The following EFCAB13 variants were observed in gnomAD, a reference collection of about 807,000 sequenced individuals.
The protein encoded by EFCAB13 is EF-hand calcium binding domain 13.
A neutral mutation model predicts 110.2 loss-of-function variants in EFCAB13; 91 were observed. That is an observed-to-expected ratio of 0.83 (90% CI 0.70 to 0.98). The LOEUF (loss-of-function observed/expected upper bound fraction) is 0.98. Ranked by LOEUF, EFCAB13 falls within the 50% of genes least tolerant of loss-of-function variation. EFCAB13 has a pLI of 0.00. For missense variants in EFCAB13, 968 were observed against 1,119.4 expected, an observed-to-expected ratio of 0.86 and a Z score of 1.93; for synonymous variants, 323 against 369.9, an observed-to-expected ratio of 0.87 and a Z score of 1.45.
At chr17:47,342,893 A>C (rs1002830847) in intron 6 of EFCAB13, among the ~76,000 whole-genome samples, 1 of 152,172 alleles carries the variant, frequency 6.6e-6, no homozygotes, top group Non-Finnish European at 1.5e-5. Context: ...AGCTGAATCT[A>C]ATCTACAGTT....
At chr17:47,332,142 A>G (rs2065322964) in intron 4 of EFCAB13, among the ~76,000 whole-genome samples, 1 of 152,168 alleles carries the variant, frequency 6.6e-6, no homozygotes, top group African/African-American at 2.4e-5. Context: ...AGAAACTGCC[A>G]AACTGTATTC....
intron 10 of EFCAB13, among the ~76,000 whole-genome samples, chr17:47,368,920 G>T (rs1260383205): frequency 1.3e-5 from 2 of 152,190 alleles, no homozygotes; most frequent in Non-Finnish European, 2.9e-5. Flanking sequence ...CTTTATAGAT[G>T]AAAATGGCTA....
chr17:47,333,282 A>G (rs993500886), intron 4 of EFCAB13, among the ~76,000 whole-genome samples: 1 of 151,904 alleles, frequency 6.6e-6, no homozygotes, highest in Non-Finnish European at 1.5e-5. Flanking sequence ...TTTTGATTGG[A>G]TAGTTTGTTT....
At chr17:47,394,171 A>G in intron 16 of EFCAB13, 72 bp downstream of exon 16, 1 of 956,006 alleles carries the variant, frequency 1.0e-6, no homozygotes, top group Non-Finnish European at 1.5e-6. Flanking sequence ...GAGCGTAAAC[A>G]CTCTTTTAGT....
At chr17:47,398,100 C>T (rs527739053) in intron 17 of EFCAB13, among the ~76,000 whole-genome samples, 19 of 143,380 alleles carry the variant, frequency 1.3e-4, no homozygotes, top group South Asian at 9.2e-4. Flanking sequence ...CCGCCCCGTC[C>T]GGGAGGGAGG....
chr17:47,386,153 G>A (rs539637995), intron 14 of EFCAB13, among the ~76,000 whole-genome samples: 30 of 152,324 alleles, frequency 2.0e-4, no homozygotes, highest in African/African-American at 5.8e-4. Flanking sequence ...GAGCTCAAGC[G>A]CTGTGCTGGG....
chr17:47,374,893 G>A lies in EFCAB13; in HGVS notation c.1299G>A (p.Lys433=). The change falls in exon 12 of 25, where the codon AAG becomes AAA. Residue 433 remains lysine (K), a synonymous_variant. Transcript: ENST00000331493. ...TTTCTAGTATCCCAAAACTTCAGAA[G>A]CCAGCTGTAAGAAAGCATTCCAGTC... ...SDISSIPKLQ[K]PAVRKHSSLQ... is the part of the protein sequence containing the mutation. 6.2e-7 allele frequency: 1 copy of A among 1,609,790 alleles called. No individual in the cohort carries two copies. Among genetic ancestry groups the A allele is most frequent in the Non-Finnish European group, 8.5e-7 (1 of 1,178,892 alleles).
chr17:47,414,239 ATGTG>A (rs34673520), intron 22 of EFCAB13, among the ~76,000 whole-genome samples: 1 of 151,388 alleles, frequency 6.6e-6, no homozygotes, highest in African/African-American at 2.4e-5. Context: ...GTGACTGTGT[ATGTG>A]TGTGTGTGCA....
intron 3 of EFCAB13, among the ~76,000 whole-genome samples, chr17:47,327,751 G>A (rs541757999): frequency 2.0e-5 from 3 of 152,228 alleles, no homozygotes; most frequent in South Asian, 2.1e-4. Context: ...CACTGCGCCC[G>A]GCCTACACCA....
intron 21 of EFCAB13, 40 bp from the exon 22 acceptor site, chr17:47,412,733 T>G: frequency 6.5e-7 from 1 of 1,536,398 alleles, no homozygotes; most frequent in Non-Finnish European, 8.8e-7. Flanking sequence ...TTTTGAATGT[T>G]TTTTACACCA....
intron 20 of EFCAB13, 196 bp from the exon 21 acceptor site, chr17:47,409,451 C>T: frequency 1.9e-6 from 1 of 516,846 alleles, no homozygotes; most frequent in Non-Finnish European, 3.5e-6. Context: ...TGAAGGAGCC[C>T]AAGTAGTAAG....
rs1358028722 is a variant in EFCAB13 at position 47,384,830 on chromosome 17, G to A, written c.1582+5577G>A. On this transcript the variant is annotated intron_variant, in intron 14 of 24. Coordinates refer to ENST00000331493, the MANE Select transcript of EFCAB13 (RefSeq NM_152347.5). ...CTGTTGCCCAGGCTGGAGTGCAGTGGCACATCTCCGCTCACTGCAAGCTCC... is the reference window on the plus strand; with the variant it reads ...CTGTTGCCCAGGCTGGAGTGCAGTGACACATCTCCGCTCACTGCAAGCTCC... Among the ~76,000 whole-genome samples the A allele has an allele frequency of 2.0e-5, 3 of 151,964 alleles. No individual in the cohort carries two copies. In the East Asian group the frequency reaches 5.8e-4, roughly 29 times the overall value.
intron 4 of EFCAB13, among the ~76,000 whole-genome samples, chr17:47,332,578 A>C (rs1598717109): frequency 2.1e-5 from 3 of 140,758 alleles, no homozygotes; most frequent in Admixed American, 7.1e-5. Flanking sequence ...AAACCTCTCC[A>C]CCCCCCAGCC....
In EFCAB13 at chr17:47,379,187, G is replaced by A. The variant is rs967559742; in HGVS notation, c.1516G>A (p.Gly506Arg). Residue 506 changes from glycine to arginine, a missense_variant, in exon 14 of 25, where the codon GGA (glycine) becomes AGA (arginine). By Grantham distance (125) the Gly-to-Arg change is moderately radical. Transcript: ENST00000331493. ...TAAACTCTTTTTAAAAACAGAGAAT[G>A]GAATGGTGGAGTTAGATGACTTTGT... ...IVTDTSRNEN[G>R]MVELDDFVNA... 32 of 1,612,524 alleles carry A rather than the reference G, an allele frequency of 2.0e-5. No homozygotes were observed. The highest frequency in any genetic ancestry group is 2.7e-5 in the Non-Finnish European group (32 of 1,179,014).
At position 47,421,210 on chromosome 17, in the gene EFCAB13, A is replaced by T. The variant is rs959296789; in HGVS notation, c.2494+6291A>T. Among the ~76,000 whole-genome samples, 66 of 151,986 alleles carry T rather than the reference A, an allele frequency of 4.3e-4. 1 individual carries two copies. Among genetic ancestry groups the T allele is most frequent in the South Asian group, 2.1e-4 (1 of 4,830 alleles). On this transcript the variant is annotated intron_variant, in intron 23 of 24. Coordinates refer to ENST00000331493, the MANE Select transcript of EFCAB13 (RefSeq NM_152347.5). ...GGTTTTGTGGAATAGAAAGGGGGGA[A>T]AGGTGGGGAAAAGATTGAGAAATCG... is the stretch of plus-strand genomic sequence containing the variant.
At chr17:47,325,201 A>G (rs2065274885) in intron 2 of EFCAB13, among the ~76,000 whole-genome samples, 1 of 150,474 alleles carries the variant, frequency 6.6e-6, no homozygotes, top group Admixed American at 6.6e-5. Flanking sequence ...AATTCTGTAG[A>G]GGTGGGAGTT....
chr17:47,328,198 C>T, intron 3 of EFCAB13, 71 bp from the exon 4 acceptor site: 1 of 728,134 alleles, frequency 1.4e-6, no homozygotes, highest in Non-Finnish European at 2.5e-6. Context: ...GAGATAACTT[C>T]AGGTAGGTAA....
rs527596429 is a variant in EFCAB13, at chr17:47,384,878, T to C, written c.1582+5625T>C. 9.9e-5 allele frequency among the ~76,000 whole-genome samples: 15 copies of C among 152,188 alleles called. No individual in the cohort carries two copies. In the East Asian group the frequency reaches 2.9e-3, roughly 29 times the overall value. On this transcript the variant is annotated intron_variant, in intron 14 of 24. Transcript: ENST00000331493. ...TCCGCCTCCTGGGTTCACGCCATTC[T>C]CCTGCCTCAGCCTCCCACGTAGCTG...
chr17:47,384,426 G>GT (rs776025324), intron 14 of EFCAB13, among the ~76,000 whole-genome samples: 2,179 of 139,372 alleles, frequency 0.016, 16 homozygotes, highest in Middle Eastern at 0.018. Flanking sequence ...ATATACGACT[G>GT]TTTTTTTTTT....
Sources: allele counts gnomAD v4.1 joint callset (sites outside exome capture counted in the v4.1 genomes callset), GRCh38; gene constraint gnomAD v4.1.1; transcripts MANE v1.5; gene names NCBI Gene and HGNC (gene_info 2026-07-23, HGNC 2026-07-21).